SHISA9: variants seen among roughly 807,000 people sequenced by gnomAD.
SHISA9 encodes the protein shisa family member 9.
In SHISA9, 13 loss-of-function variants were observed where a neutral mutation model predicts 38.0. That is an observed-to-expected ratio of 0.34 (90% CI 0.22 to 0.54). SHISA9 has a LOEUF of 0.54. Among genes scored for constraint, SHISA9 ranks in the 20% least tolerant of loss-of-function variants. SHISA9 has a pLI of 0.91. For missense variants in SHISA9, 538 were observed against 575.8 expected, an observed-to-expected ratio of 0.93 and a Z score of 0.67; for synonymous variants, 275 against 242.0, an observed-to-expected ratio of 1.14 and a Z score of -1.27.
At chr16:12,935,357 T>G (rs529912646) in intron 2 of SHISA9, among the ~76,000 whole-genome samples, 1 of 152,198 alleles carries the variant, frequency 6.6e-6, no homozygotes, top group Non-Finnish European at 1.5e-5. Context: ...TCTACCAACA[T>G]CTAGATGCTG....
At chr16:12,970,366 T>A (rs865855940) in intron 2 of SHISA9, among the ~76,000 whole-genome samples, 3 of 96,108 alleles carry the variant, frequency 3.1e-5, no homozygotes, top group Non-Finnish European at 5.8e-5. Context: ...TATATATATA[T>A]ATACATATAT....
the SHISA9 span, among the ~76,000 whole-genome samples, chr16:13,553,320 C>A: frequency 6.6e-6 from 1 of 152,210 alleles, no homozygotes; most frequent in Non-Finnish European, 1.5e-5. Context: ...TCTTCTATTA[C>A]CACTTCCAAT....
the SHISA9 span, among the ~76,000 whole-genome samples, chr16:13,288,655 G>A: frequency 1.3e-5 from 2 of 152,104 alleles, no homozygotes; most frequent in African/African-American, 4.8e-5. Context: ...TTAGCTGTGT[G>A]TGGTCACATG....
chr16:13,310,747 A>T, the SHISA9 span, among the ~76,000 whole-genome samples: 1 of 145,326 alleles, frequency 6.9e-6, no homozygotes, highest in Non-Finnish European at 1.5e-5. Context: ...GCAGTGGTGC[A>T]ATCTCGGCCC....
At chr16:13,454,077 C>T in the SHISA9 span, among the ~76,000 whole-genome samples, 1 of 152,160 alleles carries the variant, frequency 6.6e-6, no homozygotes, top group African/African-American at 2.4e-5. Flanking sequence ...CTACTTGATC[C>T]TTTCTAGAGG....
intron 2 of SHISA9, among the ~76,000 whole-genome samples, chr16:13,015,087 G>C (rs2072725143): frequency 6.6e-6 from 1 of 152,108 alleles, no homozygotes; most frequent in South Asian, 2.1e-4. Flanking sequence ...GTATGTGTAG[G>C]TATTGGGCTG....
the SHISA9 span, among the ~76,000 whole-genome samples, chr16:13,388,393 C>A: frequency 6.6e-6 from 1 of 151,456 alleles, no homozygotes. Context: ...CTCACTGCAA[C>A]CTCCACCTCC....
chr16:13,314,598 G>A, the SHISA9 span, among the ~76,000 whole-genome samples: 8 of 151,262 alleles, frequency 5.3e-5, no homozygotes, highest in South Asian at 2.1e-4. Flanking sequence ...AAAAAAAAAC[G>A]TGCATACATT....
At chr16:13,079,529 C>T (rs1251765152) in intron 2 of SHISA9, among the ~76,000 whole-genome samples, 1 of 152,232 alleles carries the variant, frequency 6.6e-6, no homozygotes, top group African/African-American at 2.4e-5. Context: ...TAGCAAATTA[C>T]ACTCATTTTT....
At chr16:13,400,466 A>C in the SHISA9 span, among the ~76,000 whole-genome samples, 1 of 152,128 alleles carries the variant, frequency 6.6e-6, no homozygotes, top group Non-Finnish European at 1.5e-5. Context: ...GTTTCTTTCA[A>C]GGCCAAATCG....
intron 2 of SHISA9, among the ~76,000 whole-genome samples, chr16:13,156,801 G>T (rs772000456): frequency 6.6e-6 from 1 of 151,712 alleles, no homozygotes; most frequent in Non-Finnish European, 1.5e-5. Flanking sequence ...GCACACCTGC[G>T]GGATTACATT....
At chr16:13,015,898 CTTTCTTTCT>C (rs2072745661) in intron 2 of SHISA9, among the ~76,000 whole-genome samples, 1 of 114,858 alleles carries the variant, frequency 8.7e-6, no homozygotes, top group Admixed American at 9.2e-5. Context: ...TTCTTTCTTT[CTTTCTTTCT>C]TTTCTTTCTT....
At position 13,038,177 on chromosome 16, in the gene SHISA9, A is replaced by G. The variant is rs144178850; in HGVS notation, c.691+121362A>G. 1.1e-3 allele frequency among the ~76,000 whole-genome samples: 161 copies of G among 152,258 alleles called. 3 individuals carry two copies. The highest frequency in any genetic ancestry group is 3.8e-3 in the African/African-American group (158 of 41,556). On this transcript the variant is annotated intron_variant, in intron 2 of 4. Coordinates refer to ENST00000558583, the MANE Select transcript of SHISA9 (RefSeq NM_001145204.3). ...GCTAATTTTTGTATTTTTAGTAGAG[A>G]CAGGGTTTCACCATGTTGCCCAGGC...
the SHISA9 span, among the ~76,000 whole-genome samples, chr16:13,386,565 T>G: frequency 5.3e-5 from 8 of 152,248 alleles, no homozygotes; most frequent in East Asian, 1.5e-3. Context: ...CATATCAGTT[T>G]CTTAGAAGTG....
the SHISA9 span, among the ~76,000 whole-genome samples, chr16:13,313,254 C>CA: frequency 0.12 from 6,097 of 49,312 alleles, 224 homozygotes; most frequent in Middle Eastern, 0.19. Context: ...GACTCCGTCT[C>CA]AAAAAAAAAA....
chr16:13,292,734 T>A, the SHISA9 span, among the ~76,000 whole-genome samples: 280 of 152,286 alleles, frequency 1.8e-3, 2 homozygotes, highest in African/African-American at 6.2e-3. Flanking sequence ...GATAAAGGAC[T>A]CTGAGGCTGT....
chr16:13,062,942 C>T (rs1395500339), intron 2 of SHISA9, among the ~76,000 whole-genome samples: 2 of 148,582 alleles, frequency 1.3e-5, no homozygotes, highest in Non-Finnish European at 3.0e-5. Context: ...GCTAGATGCA[C>T]TTGCCTGGGC....
At chr16:13,444,982 CTATATATATATATATATATATA>C in the SHISA9 span, among the ~76,000 whole-genome samples, 16,324 of 106,234 alleles carry the variant, frequency 0.15, 1,678 homozygotes, top group African/African-American at 0.22. Context: ...CCATGCCTAG[CTATATATATATATATATATATA>C]TATATATATA....
chr16:13,495,344 G>A, the SHISA9 span, among the ~76,000 whole-genome samples: 2 of 152,042 alleles, frequency 1.3e-5, no homozygotes, highest in South Asian at 4.1e-4. Context: ...GAGGAAGCTA[G>A]GTGAAATAGA....
Sources: allele counts gnomAD v4.1 joint callset (sites outside exome capture counted in the v4.1 genomes callset), GRCh38; gene constraint gnomAD v4.1.1; transcripts MANE v1.5; gene names NCBI Gene and HGNC (gene_info 2026-07-23, HGNC 2026-07-21).